The following GATAD1 variants were observed in gnomAD, a reference collection of about 807,000 sequenced individuals.
GATAD1 encodes GATA zinc finger domain containing 1.
GATAD1 carries 12 observed loss-of-function variants against 26.5 expected under a neutral mutation model. The ratio of observed to expected loss-of-function variants is 0.45; its 90% confidence interval spans 0.29 to 0.73. GATAD1 has a LOEUF of 0.73. GATAD1 is among the 30% of genes least tolerant of loss of function. The pLI is 0.10. For synonymous variants in GATAD1, 129 were observed against 133.1 expected (o/e 0.97, Z 0.21); for missense variants, 266 against 342.1 (o/e 0.78, Z 1.75).
Position 92,456,657 on chromosome 7 carries a change from G to A in GATAD1, c.*95G>A. ...ACTGCTCTCCAAGCTGGGCAATGGA[G>A]TCAGATTCTCTTTCTTAAAAAACCA... On this transcript the variant is annotated 3_prime_UTR_variant, in exon 5 of 5. Coordinates refer to ENST00000287957, the MANE Select transcript of GATAD1 (RefSeq NM_021167.5). The A allele has an allele frequency of 1.5e-6, 1 of 678,706 alleles. No homozygotes were observed. Among genetic ancestry groups the A allele is most frequent in the Non-Finnish European group, 2.4e-6 (1 of 409,432 alleles). The allele number at this position is 678,706 out of a possible 1,614,324, so 42.0% of individuals were successfully genotyped here.
the GATAD1 span, chr7:92,494,215 T>C: frequency 2.0e-5 from 21 of 1,050,458 alleles, no homozygotes; most frequent in Non-Finnish European, 2.8e-5. Context: ...ACAATTGCCA[T>C]TACCTGGCAG....
the GATAD1 span, among the ~76,000 whole-genome samples, chr7:92,473,779 A>G: frequency 3.0e-4 from 46 of 151,880 alleles, no homozygotes; most frequent in Non-Finnish European, 2.9e-5. Context: ...GACTAAGAAG[A>G]CCGCACCAGT....
At chr7:92,474,532 G>C in the GATAD1 span, 1 of 152,234 alleles carries the variant, frequency 6.6e-6, no homozygotes, top group Non-Finnish European at 1.5e-5. Context: ...TTCTGATTCT[G>C]TGTCCCAATG....
At chr7:92,476,340 G>A in the GATAD1 span, among the ~76,000 whole-genome samples, 10 of 152,240 alleles carry the variant, frequency 6.6e-5, no homozygotes, top group Non-Finnish European at 1.0e-4. Context: ...AAGCAGTTGC[G>A]CTACCGACTG....
the GATAD1 span, chr7:92,494,559 C>T: frequency 6.2e-7 from 1 of 1,613,950 alleles, no homozygotes; most frequent in Admixed American, 1.7e-5. Flanking sequence ...CCTGTATTAT[C>T]ATGACCCCGC....
chr7:92,477,452 G>A, the GATAD1 span: 1 of 152,480 alleles, frequency 6.6e-6, no homozygotes, highest in Non-Finnish European at 1.5e-5. Context: ...TCCCAAGATG[G>A]TGGTGAACCA....
At chr7:92,454,258 A>G in intron 3 of GATAD1, 1 of 433,374 alleles carries the variant, frequency 2.3e-6, no homozygotes, top group Non-Finnish European at 4.1e-6. Flanking sequence ...AAAATACTTT[A>G]TGAACAAATC....
rs189237292 is a variant in GATAD1, at chr7:92,457,094, G to T, written c.*532G>T. On this transcript the variant is annotated 3_prime_UTR_variant, in exon 5 of 5. Transcript: ENST00000287957. ...GAATCGCCTAAACCCAGGAGGTGGA[G>T]GTTGTAGTGAGCCAAGATTGCACCG... The T allele has an allele frequency of 6.9e-3, 1,040 of 151,622 alleles. 5 individuals carry two copies. The highest frequency in any genetic ancestry group is 0.01 in the Non-Finnish European group (701 of 68,056). 9.4% of individuals were successfully genotyped at this position (151,622 alleles called of 1,614,324 possible).
the GATAD1 span, chr7:92,492,834 G>A: frequency 1.3e-6 from 1 of 796,874 alleles, no homozygotes; most frequent in Non-Finnish European, 2.2e-6. Flanking sequence ...GTAAATTTAT[G>A]TTTCTATACA....
intron 2 of GATAD1, chr7:92,449,270 C>G (rs1220771773): frequency 1.3e-6 from 1 of 783,684 alleles, no homozygotes; most frequent in Admixed American, 5.9e-5. Context: ...AATATTAACA[C>G]TAGAACTCAT....
the GATAD1 span, chr7:92,470,678 C>T: frequency 4.1e-5 from 11 of 265,368 alleles, no homozygotes; most frequent in East Asian, 5.4e-4. Context: ...AGTTCTTTTC[C>T]CTCTTCTCAG....
At chr7:92,462,657 C>A (rs1212112668), downstream of GATAD1, among the ~76,000 whole-genome samples, 1 of 152,136 alleles carries the variant, frequency 6.6e-6, no homozygotes, top group Non-Finnish European at 1.5e-5. Context: ...AAGCCCTGGC[C>A]CCCAAGGCAA....
At chr7:92,462,792 C>T (rs933853501), downstream of GATAD1, among the ~76,000 whole-genome samples, 1 of 152,220 alleles carries the variant, frequency 6.6e-6, no homozygotes, top group African/African-American at 2.4e-5. Flanking sequence ...CTTCCTTTCT[C>T]TCCTCACTAT....
the GATAD1 span, chr7:92,493,277 A>G: frequency 0.039 from 19,473 of 496,880 alleles, 444 homozygotes; most frequent in African/African-American, 0.053. Flanking sequence ...ACAGCCTACT[A>G]TTTATCTTCC....
At chr7:92,483,502 C>T in the GATAD1 span, among the ~76,000 whole-genome samples, 6 of 152,242 alleles carry the variant, frequency 3.9e-5, no homozygotes, top group African/African-American at 1.2e-4. Context: ...ATGTTGGGAG[C>T]GGATTGGGTA....
the GATAD1 span, chr7:92,475,452 A>C: frequency 6.6e-6 from 1 of 152,192 alleles, no homozygotes; most frequent in African/African-American, 2.4e-5. Flanking sequence ...AGTTATGCTC[A>C]CTGATGTTGC....
downstream of GATAD1, among the ~76,000 whole-genome samples, chr7:92,460,313 A>T (rs1327663855): frequency 6.6e-6 from 1 of 152,142 alleles, no homozygotes; most frequent in East Asian, 1.9e-4. Context: ...TGCCCTGGGG[A>T]TGTTTGAAGA....
At chr7:92,455,991 A>G (rs1297954495) in intron 4 of GATAD1, among the ~76,000 whole-genome samples, 2 of 152,162 alleles carry the variant, frequency 1.3e-5, no homozygotes, top group Non-Finnish European at 1.5e-5. Flanking sequence ...CCTGCCATTT[A>G]CCGGCCATGT....
chr7:92,483,507 T>G, the GATAD1 span, among the ~76,000 whole-genome samples: 1 of 152,212 alleles, frequency 6.6e-6, no homozygotes, highest in African/African-American at 2.4e-5. Flanking sequence ...GGGAGCGGAT[T>G]GGGTAATAAA....
Sources: gnomAD v4.1 joint callset for allele counts (sites outside exome capture counted in the v4.1 genomes callset) on GRCh38, gnomAD v4.1.1 for gene constraint, MANE v1.5 for transcripts, NCBI Gene and HGNC (gene_info 2026-07-23, HGNC 2026-07-21) for gene names.